The following LDLRAD3 variants were observed in gnomAD, a reference collection of about 807,000 sequenced individuals.
LDLRAD3 encodes the protein low density lipoprotein receptor class A domain containing 3, also known as low-density lipoprotein receptor class A domain-containing protein 3.
In LDLRAD3, 20 loss-of-function variants were observed where a neutral mutation model predicts 29.4. That is an observed-to-expected ratio of 0.68 (90% CI 0.48 to 0.99). The LOEUF is 0.99. Among genes scored for constraint, LDLRAD3 ranks in the 50% least tolerant of loss-of-function variants. LDLRAD3 has a pLI of 0.00. For synonymous variants in LDLRAD3, 157 were observed against 192.7 expected (o/e 0.81, Z 1.53); for missense variants, 420 against 454.3 (o/e 0.92, Z 0.69).
chr11:35,950,636 A>G (rs1401323262), intron 1 of LDLRAD3, among the ~76,000 whole-genome samples: 1 of 152,162 alleles, frequency 6.6e-6, no homozygotes, highest in African/African-American at 2.4e-5. Flanking sequence ...GACTGGGATC[A>G]TATATTAAGT....
chr11:36,128,301 G>A (rs1012664546), intron 4 of LDLRAD3, among the ~76,000 whole-genome samples: 6 of 151,952 alleles, frequency 3.9e-5, no homozygotes, highest in Admixed American at 6.6e-5. Flanking sequence ...TCTGCCTCCT[G>A]CTAGCTGGAG....
At chr11:36,049,042 A>G (rs1403153767) in intron 2 of LDLRAD3, among the ~76,000 whole-genome samples, 1 of 152,136 alleles carries the variant, frequency 6.6e-6, no homozygotes, top group Non-Finnish European at 1.5e-5. Flanking sequence ...GCTGGGGGGC[A>G]AGGGTCATGT....
chr11:36,209,676 A>G (rs1458998493), intron 4 of LDLRAD3, among the ~76,000 whole-genome samples: 1 of 152,108 alleles, frequency 6.6e-6, no homozygotes, highest in Non-Finnish European at 1.5e-5. Context: ...CTATTTTTGC[A>G]ACTCTTGTGT....
At chr11:35,961,363 C>G (rs948078770) in intron 1 of LDLRAD3, among the ~76,000 whole-genome samples, 1 of 152,222 alleles carries the variant, frequency 6.6e-6, no homozygotes, top group Non-Finnish European at 1.5e-5. Flanking sequence ...TTGAACCAAA[C>G]AGTCTGAGGT....
At chr11:35,946,540 G>A (rs1851059423) in intron 1 of LDLRAD3, among the ~76,000 whole-genome samples, 2 of 152,082 alleles carry the variant, frequency 1.3e-5, no homozygotes, top group South Asian at 2.1e-4. Context: ...TGTATCCTGC[G>A]AGAGAGACTA....
intron 3 of LDLRAD3, among the ~76,000 whole-genome samples, chr11:36,094,125 G>A (rs867813615): frequency 2.0e-5 from 3 of 152,154 alleles, no homozygotes; most frequent in African/African-American, 4.8e-5. Flanking sequence ...GGGTTTCACC[G>A]GGGACTCGCC....
At chr11:36,137,512 T>C (rs529624848) in intron 4 of LDLRAD3, among the ~76,000 whole-genome samples, 1 of 152,210 alleles carries the variant, frequency 6.6e-6, no homozygotes, top group Admixed American at 6.5e-5. Flanking sequence ...GCAGTCCTAA[T>C]GGAAACAGTG....
At chr11:36,099,130 T>G (rs1329662156) in intron 4 of LDLRAD3, among the ~76,000 whole-genome samples, 1 of 152,196 alleles carries the variant, frequency 6.6e-6, no homozygotes, top group Admixed American at 6.5e-5. Flanking sequence ...TCCTTTTCTG[T>G]GAATTGCCTC....
intron 4 of LDLRAD3, among the ~76,000 whole-genome samples, chr11:36,157,878 G>T (rs1191788046): frequency 6.6e-6 from 1 of 152,174 alleles, no homozygotes; most frequent in Admixed American, 6.5e-5. Flanking sequence ...GATGCTTCCA[G>T]GTTCTGGGAG....
chr11:36,150,920 T>A (rs1344950201), intron 4 of LDLRAD3, among the ~76,000 whole-genome samples: 1 of 152,174 alleles, frequency 6.6e-6, no homozygotes, highest in African/African-American at 2.4e-5. Context: ...GAAAGCCCAG[T>A]CCTGCTTGTC....
chr11:36,081,190 C>G (rs890015037), intron 2 of LDLRAD3, among the ~76,000 whole-genome samples: 3 of 152,142 alleles, frequency 2.0e-5, no homozygotes, highest in Admixed American at 6.5e-5. Flanking sequence ...GCCCATCATC[C>G]CATTGGGTGA....
chr11:36,083,697 C>T lies in LDLRAD3; in HGVS notation c.319+1919C>T, dbSNP rs375795195. 3.4e-3 allele frequency among the ~76,000 whole-genome samples: 507 copies of T among 151,014 alleles called. 2 individuals are homozygous for T. The highest frequency in any genetic ancestry group is 0.012 in the African/African-American group (477 of 41,080). ...TGAGTATCAGCTTGATCTCTGCTTC[C>T]TGCTGTCCATGGGGATCTTATAATC... On this transcript the variant is annotated intron_variant, in intron 3 of 5. Transcript: ENST00000315571.
intron 4 of LDLRAD3, among the ~76,000 whole-genome samples, chr11:36,126,069 C>G (rs779331125): frequency 2.0e-5 from 3 of 152,202 alleles, no homozygotes; most frequent in Non-Finnish European, 4.4e-5. Context: ...CCACCCTTCA[C>G]GTACAGTGCT....
At chr11:36,054,957 G>A (rs1255907154) in intron 2 of LDLRAD3, among the ~76,000 whole-genome samples, 1 of 93,190 alleles carries the variant, frequency 1.1e-5, no homozygotes, top group Non-Finnish European at 2.1e-5. Context: ...ATGGATACAC[G>A]GATGGATGGA....
At chr11:36,199,566 TACACACACACACAC>T (rs57161243) in intron 4 of LDLRAD3, among the ~76,000 whole-genome samples, 1 of 149,988 alleles carries the variant, frequency 6.7e-6, no homozygotes, top group South Asian at 2.1e-4. Context: ...GCTGTGGTTC[TACACACACACACAC>T]ACACACACGC....
At chr11:35,988,216 C>G (rs901796366) in intron 1 of LDLRAD3, among the ~76,000 whole-genome samples, 10 of 152,062 alleles carry the variant, frequency 6.6e-5, no homozygotes, top group African/African-American at 2.4e-4. Flanking sequence ...CGCCACTATG[C>G]CTGCTAATTT....
chr11:36,045,081 C>T (rs1450085318), intron 2 of LDLRAD3, among the ~76,000 whole-genome samples: 1 of 152,184 alleles, frequency 6.6e-6, no homozygotes, highest in Admixed American at 6.5e-5. Flanking sequence ...CCCCTCTTGC[C>T]ACTCCAGATG....
chr11:36,176,888 G>C (rs1028334076), intron 4 of LDLRAD3, among the ~76,000 whole-genome samples: 22 of 152,124 alleles, frequency 1.4e-4, no homozygotes, highest in Non-Finnish European at 2.5e-4. Context: ...GTTTTCCTCA[G>C]TTATTCCCTC....
intron 4 of LDLRAD3, among the ~76,000 whole-genome samples, chr11:36,135,865 G>C (rs1307891927): frequency 6.6e-6 from 1 of 152,138 alleles, no homozygotes; most frequent in African/African-American, 2.4e-5. Context: ...AGCCGAGATA[G>C]CACCACTGCA....
Sources: allele counts gnomAD v4.1 joint callset (sites outside exome capture counted in the v4.1 genomes callset), GRCh38; gene constraint gnomAD v4.1.1; transcripts MANE v1.5; gene names NCBI Gene and HGNC (gene_info 2026-07-23, HGNC 2026-07-21).